Variants in TMEM17 observed in about 807,000 individuals in gnomAD.
TMEM17 encodes transmembrane protein 17.
In TMEM17, 15 loss-of-function variants were observed where a neutral mutation model predicts 19.1. The ratio of observed to expected loss-of-function variants is 0.78; its 90% CI spans 0.52 to 1.21. The LOEUF (loss-of-function observed/expected upper bound fraction) is 1.21, where lower values mean the gene tolerates loss of function less well. TMEM17 is among the 50% of genes most tolerant of loss of function. TMEM17 has a pLI of 0.00. For synonymous variants in TMEM17, 103 were observed against 86.9 expected (o/e 1.19, Z -1.03); for missense variants, 245 against 242.3 (o/e 1.01, Z -0.07).
At chr2:62,456,121 C>T in the TMEM17 span, among the ~76,000 whole-genome samples, 2 of 152,188 alleles carry the variant, frequency 1.3e-5, no homozygotes, top group African/African-American at 4.8e-5. Flanking sequence ...GTGCTGAGTA[C>T]AAGAGTCAGA....
chr2:62,464,086 A>G, the TMEM17 span: 1 of 152,196 alleles, frequency 6.6e-6, no homozygotes, highest in African/African-American at 2.4e-5. Context: ...TGTTCATGTG[A>G]CTTCATTATT....
chr2:62,459,007 A>G, the TMEM17 span, among the ~76,000 whole-genome samples: 2 of 152,242 alleles, frequency 1.3e-5, no homozygotes, highest in African/African-American at 4.8e-5. Flanking sequence ...ACGACTTCAT[A>G]TGGACATATG....
the TMEM17 span, among the ~76,000 whole-genome samples, chr2:62,478,216 G>A: frequency 6.6e-6 from 1 of 152,196 alleles, no homozygotes; most frequent in Non-Finnish European, 1.5e-5. Flanking sequence ...TATCCTGAGG[G>A]ATGCCTTGAC....
the TMEM17 span, among the ~76,000 whole-genome samples, chr2:62,477,030 G>C: frequency 6.6e-6 from 1 of 152,150 alleles, no homozygotes; most frequent in Non-Finnish European, 1.5e-5. Flanking sequence ...GAGAGAGAGG[G>C]AAGGAGGGAT....
Position 62,506,155 on chromosome 2 carries a change from C to G in TMEM17, c.-26G>C, listed in dbSNP as rs779792256. On this transcript the variant is annotated 5_prime_UTR_variant, in exon 1 of 4. Transcript: ENST00000335390. ...GCCTGGGCCTCAGTATCCCTCACCCCCTCAGACACGGGCTAGTCTGCGGGC... is the reference window on the plus strand; with the variant it reads ...GCCTGGGCCTCAGTATCCCTCACCCGCTCAGACACGGGCTAGTCTGCGGGC... 6.3e-6 allele frequency: 10 copies of G among 1,581,076 alleles called. No individual in the cohort carries two copies. Among genetic ancestry groups the G allele is most frequent in the Admixed American group, 3.5e-5 (2 of 56,354 alleles).
chr2:62,458,425 C>T, the TMEM17 span, among the ~76,000 whole-genome samples: 2 of 152,344 alleles, frequency 1.3e-5, no homozygotes, highest in East Asian at 1.9e-4. Flanking sequence ...AGTGCACGCC[C>T]TCAGTTACTG....
the TMEM17 span, among the ~76,000 whole-genome samples, chr2:62,467,319 A>G: frequency 2.6e-5 from 4 of 151,792 alleles, no homozygotes; most frequent in African/African-American, 7.3e-5. Context: ...ATTGAGACCC[A>G]CGGATCTAGT....
chr2:62,478,444 C>G, the TMEM17 span, among the ~76,000 whole-genome samples: 1 of 152,230 alleles, frequency 6.6e-6, no homozygotes, highest in Admixed American at 6.5e-5. Context: ...AGACCCAGCC[C>G]AAGCTCTGCA....
At chr2:62,467,678 C>T in the TMEM17 span, among the ~76,000 whole-genome samples, 1 of 152,152 alleles carries the variant, frequency 6.6e-6, no homozygotes, top group South Asian at 2.1e-4. Context: ...GTCAGCGGCT[C>T]TGTTTTCTGG....
the TMEM17 span, among the ~76,000 whole-genome samples, chr2:62,466,746 C>G: frequency 6.6e-6 from 1 of 152,204 alleles, no homozygotes; most frequent in Non-Finnish European, 1.5e-5. Context: ...CGCCCATCAT[C>G]TCCCCTCTGA....
At chr2:62,479,964 T>C in the TMEM17 span, among the ~76,000 whole-genome samples, 1 of 152,070 alleles carries the variant, frequency 6.6e-6, no homozygotes, top group Non-Finnish European at 1.5e-5. Flanking sequence ...GATAGTTTTA[T>C]TTGTAGTTTT....
chr2:62,505,883 C>T (rs1680056815), intron 1 of TMEM17, 147 bp downstream of exon 1: 2 of 804,254 alleles, frequency 2.5e-6, no homozygotes, highest in African/African-American at 1.8e-5. Context: ...TCCGGCCCGG[C>T]CCCTCCTCCA....
At chr2:62,479,971 T>A in the TMEM17 span, among the ~76,000 whole-genome samples, 3 of 152,086 alleles carry the variant, frequency 2.0e-5, no homozygotes, top group East Asian at 3.9e-4. Flanking sequence ...TTATTTGTAG[T>A]TTTTTGAGGA....
At chr2:62,479,802 G>C in the TMEM17 span, among the ~76,000 whole-genome samples, 1 of 148,962 alleles carries the variant, frequency 6.7e-6, no homozygotes, top group African/African-American at 2.5e-5. Flanking sequence ...TAGGAGTATC[G>C]CTTGAGCACA....
downstream of TMEM17, among the ~76,000 whole-genome samples, chr2:62,499,090 T>C (rs564103893): frequency 9.2e-5 from 14 of 152,298 alleles, no homozygotes; most frequent in East Asian, 1.2e-3. Flanking sequence ...CTATCTTTTT[T>C]CCCCCACTGT....
At chr2:62,484,260 A>T in the TMEM17 span, among the ~76,000 whole-genome samples, 3,403 of 152,242 alleles carry the variant, frequency 0.022, 135 homozygotes, top group African/African-American at 0.077. Context: ...TTCCTGTTCC[A>T]GGGGTTAGGG....
chr2:62,453,638 TAAAC>T, the TMEM17 span, among the ~76,000 whole-genome samples: 1 of 152,216 alleles, frequency 6.6e-6, no homozygotes, highest in Admixed American at 6.5e-5. Context: ...TTTAAAAAAA[TAAAC>T]AAAAACCTCT....
chr2:62,495,977 T>G (rs1679766678), downstream of TMEM17, among the ~76,000 whole-genome samples: 1 of 152,250 alleles, frequency 6.6e-6, no homozygotes, highest in South Asian at 2.1e-4. Flanking sequence ...CACTGTCTGT[T>G]GCTGACTGCG....
At chr2:62,464,895 A>T in the TMEM17 span, among the ~76,000 whole-genome samples, 1 of 152,128 alleles carries the variant, frequency 6.6e-6, no homozygotes, top group African/African-American at 2.4e-5. Context: ...GGGTGGTGCC[A>T]GCTGATCCAT....
Sources: gnomAD v4.1 joint callset for allele counts (sites outside exome capture counted in the v4.1 genomes callset) on GRCh38, gnomAD v4.1.1 for gene constraint, MANE v1.5 for transcripts, NCBI Gene and HGNC (gene_info 2026-07-23, HGNC 2026-07-21) for gene names.